Variants in PRDM12 observed in about 807,000 individuals in gnomAD.
The protein encoded by PRDM12 is PR/SET domain 12, also known as PR domain zinc finger protein 12.
A neutral mutation model predicts 29.6 loss-of-function variants in PRDM12; 17 were observed. The observed-to-expected ratio is 0.57, with a 90% CI of 0.39 to 0.86. The LOEUF is 0.86. Among genes scored for constraint, PRDM12 ranks in the 40% least tolerant of loss-of-function variants. The pLI is 0.00. For missense variants in PRDM12, 422 were observed against 510.8 expected (o/e 0.83, Z 1.68); for synonymous variants, 231 against 225.8 (o/e 1.02, Z -0.21).
rs538520238 is a variant in PRDM12, at chr9:130,667,452, T to C, written c.414+654T>C. The stretch of plus-strand genomic sequence containing the variant: ...CCACCCCTGTGCTTCTTCCTAACTT[T>C]GCAGAACGGGAAACCCACTGAGGCC... On this transcript the variant is annotated intron_variant, in intron 2 of 4. Coordinates refer to ENST00000253008, the MANE Select transcript of PRDM12 (RefSeq NM_021619.3). Among the ~76,000 whole-genome samples, 244 of 152,194 alleles carry C rather than the reference T, an allele frequency of 1.6e-3. 11 individuals are homozygous for C. The highest frequency in any genetic ancestry group is 1.1e-3 in the Non-Finnish European group (72 of 68,004).
intron 1 of PRDM12, among the ~76,000 whole-genome samples, chr9:130,665,346 G>T (rs1404098974): frequency 6.6e-6 from 1 of 152,170 alleles, no homozygotes; most frequent in Admixed American, 6.5e-5. Context: ...AGAAAAAGCC[G>T]CGGGGAGAGC....
At position 130,681,680 on chromosome 9, in the gene PRDM12, GC is replaced by G. The variant is rs943431338; in HGVS notation, c.*16del. On this transcript the variant is annotated 3_prime_UTR_variant, in exon 5 of 5. Coordinates refer to ENST00000253008, the MANE Select transcript of PRDM12 (RefSeq NM_021619.3). This position sits in a 1 kb window ranked among gnomAD's most constrained non-coding sequence, Gnocchi z 8.1. ...GCCATGGTGCTGTGAGCGCGCCCGC[GC>G]CCCCGCCGGGCCCCGCGCGCTCCTG... 38 of 979,988 alleles carry G rather than the reference GC, an allele frequency of 3.9e-5. No homozygotes were observed. The South Asian group carries it at 7.7e-4, about 20-fold the overall frequency. 60.7% of individuals were successfully genotyped at this position (979,988 alleles called of 1,614,324 possible). A position where few individuals can be genotyped will look rare whatever the true frequency, so the allele number is the denominator to read the frequency against.
intron 3 of PRDM12, among the ~76,000 whole-genome samples, chr9:130,670,349 T>A (rs890600340): frequency 1.3e-5 from 2 of 152,000 alleles, no homozygotes; most frequent in Non-Finnish European, 2.9e-5. Context: ...ATGGGTTCCT[T>A]TGGTTGTCCC....
At chr9:130,667,532 C>CG (rs763274880) in intron 2 of PRDM12, among the ~76,000 whole-genome samples, 5 of 24,038 alleles carry the variant, frequency 2.1e-4, no homozygotes, top group South Asian at 6.3e-3. Flanking sequence ...CCCACTCCAG[C>CG]TCCCCCCGGC....
At chr9:130,678,801 GC>G (rs1246073172) in intron 4 of PRDM12, among the ~76,000 whole-genome samples, 161 bp downstream of exon 4, 1 of 152,164 alleles carries the variant, frequency 6.6e-6, no homozygotes, top group Non-Finnish European at 1.5e-5. Flanking sequence ...GTCCAAGGAG[GC>G]TGATGCCCCT....
At chr9:130,669,923 G>A (rs990697572) in intron 3 of PRDM12, among the ~76,000 whole-genome samples, 1 of 151,800 alleles carries the variant, frequency 6.6e-6, no homozygotes, top group Non-Finnish European at 1.5e-5. Flanking sequence ...AGAGGAGGGT[G>A]GGAAGAGGAG....
chr9:130,674,096 C>A (rs1419519055), intron 3 of PRDM12, among the ~76,000 whole-genome samples: 1 of 139,526 alleles, frequency 7.2e-6, no homozygotes, highest in Non-Finnish European at 1.5e-5. Flanking sequence ...CCTACTGCAA[C>A]CTCTGCCTCC....
At position 130,681,611 on chromosome 9, in the gene PRDM12, C is replaced by CCGT; in HGVS notation, c.1048_1049insTCG (p.Ala349_Ala350insVal). 1.2e-6 allele frequency: 1 copy of CCGT among 804,622 alleles called. No individual in the cohort carries two copies. Among genetic ancestry groups the CCGT allele is most frequent in the Non-Finnish European group, 1.5e-6 (1 of 676,440 alleles). The allele number at this position is 804,622 out of a possible 1,614,324, so 49.8% of individuals were successfully genotyped here. On this transcript the variant is annotated inframe_insertion, in exon 5 of 5. Coordinates refer to ENST00000253008, the MANE Select transcript of PRDM12 (RefSeq NM_021619.3). This position sits in a 1 kb window ranked among gnomAD's most constrained non-coding sequence, Gnocchi z 8.1. ...CACGCGCACGCGCCCGCGCTCGCCG[C>CCGT]CGCCGCCGCCGCCGCCGCCGCCGCC...
Position 130,666,742 on chromosome 9 carries a change from C to A in PRDM12, c.358C>A (p.Arg120Ser). 6.2e-7 allele frequency: 1 copy of A among 1,612,866 alleles called. No homozygotes were observed. The highest frequency in any genetic ancestry group is 1.1e-5 in the South Asian group (1 of 90,898). Residue 120 changes from arginine to serine, a missense_variant, in exon 2 of 5, where the codon CGC becomes AGC. Physicochemically the swap from Arg to Ser is moderately radical, Grantham distance 110. Around this residue, in one of 5 missense-constraint regions of PRDM12, gnomAD observed 300 missense variants for 350.0 expected, o/e 0.86. Coordinates refer to ENST00000253008, the MANE Select transcript of PRDM12 (RefSeq NM_021619.3). ...AACCGAGATGGGCCCCTTCACCGGC[C>A]GCGTGATCGCCCCGGAGCACGTGGA... ...AGTEMGPFTG[R>S]VIAPEHVDIC...
intron 4 of PRDM12, among the ~76,000 whole-genome samples, chr9:130,679,226 A>T (rs1422051603): frequency 2.0e-5 from 3 of 152,172 alleles, no homozygotes; most frequent in Non-Finnish European, 2.9e-5. Flanking sequence ...CATTTGCTCG[A>T]CAACTATTTC....
At chr9:130,667,895 T>C (rs1014273561) in intron 2 of PRDM12, among the ~76,000 whole-genome samples, 17 of 151,828 alleles carry the variant, frequency 1.1e-4, no homozygotes, top group African/African-American at 4.1e-4. Context: ...CTTCTGGGGG[T>C]AGGGAGGACA....
rs1414658478 is a variant in PRDM12, at chr9:130,681,620, C to CCTT, written c.1056_1057insTTC (p.Ala352_Ala353insPhe). 1.1e-6 allele frequency: 1 copy of CCTT among 935,074 alleles called. No individual in the cohort carries two copies. Among genetic ancestry groups the CCTT allele is most frequent in the African/African-American group, 1.8e-5 (1 of 55,626 alleles). 57.9% of individuals were successfully genotyped at this position (935,074 alleles called of 1,614,324 possible). ...GCGCCCGCGCTCGCCGCCGCCGCCGCCGCCGCCGCCGCCGCCGCCGCGCAC... is the reference window on the plus strand; with the variant it reads ...GCGCCCGCGCTCGCCGCCGCCGCCGCCTTCGCCGCCGCCGCCGCCGCCGCGCAC... On this transcript the variant is annotated inframe_insertion, in exon 5 of 5. Transcript: ENST00000253008. The surrounding 1 kb of genome is among the most constrained non-coding windows in gnomAD (Gnocchi z 8.1).
chr9:130,675,888 CAA>C (rs775712678), intron 3 of PRDM12, among the ~76,000 whole-genome samples: 3 of 152,116 alleles, frequency 2.0e-5, no homozygotes, highest in Non-Finnish European at 4.4e-5. Context: ...GACTGGAAAC[CAA>C]GGGTCAGGAC....
Position 130,668,288 on chromosome 9 carries a change from C to A in PRDM12, c.545C>A (p.Thr182Asn), listed in dbSNP as rs747583179. 6.2e-7 allele frequency: 1 copy of A among 1,613,978 alleles called. No homozygotes were observed. The highest frequency in any genetic ancestry group is 1.1e-5 in the South Asian group (1 of 91,084). ...AACCTGGAGGTGGTCCAGATCGGCA[C>A]CAGCATCTTCTACAAGGCCATTGAG... Reference protein sequence around the residue: ...EQNLEVVQIGTSIFYKAIEMI... With the variant: ...EQNLEVVQIGNSIFYKAIEMI... The change falls in exon 3 of 5, where the codon ACC (threonine) becomes AAC (asparagine). Residue 182 changes from threonine to asparagine, a missense_variant. Around this residue, in one of 5 missense-constraint regions of PRDM12, gnomAD observed 300 missense variants for 350.0 expected, o/e 0.86. Coordinates refer to ENST00000253008, the MANE Select transcript of PRDM12 (RefSeq NM_021619.3). This position sits in a 1 kb window ranked among gnomAD's most constrained non-coding sequence, Gnocchi z 4.0.
chr9:130,664,771 C>A lies in PRDM12; in HGVS notation c.118C>A (p.Arg40Ser). Residue 40 changes from arginine to serine, a missense_variant, in exon 1 of 5, where the codon CGC (arginine) becomes AGC (serine). By Grantham distance (110) the Arg-to-Ser change is moderately radical. This residue lies in a region of PRDM12 where 300 missense variants were observed against 350.0 expected (regional missense o/e 0.86). Transcript: ENST00000253008. The surrounding 1 kb of genome is among the most constrained non-coding windows in gnomAD (Gnocchi z 6.4). ...CATCCTGCACAGCTTCCTGTACGGC[C>A]GCTGGCGCAACGTGCTCGGGGAGCA... ...SDILHSFLYGRWRNVLGEQLF... is the reference protein window; with the variant it reads ...SDILHSFLYGSWRNVLGEQLF... 2.5e-6 allele frequency: 4 copies of A among 1,607,680 alleles called. No homozygotes were observed. Among genetic ancestry groups the A allele is most frequent in the African/African-American group, 1.3e-5 (1 of 74,976 alleles).
Position 130,668,411 on chromosome 9 carries a change from G to C in PRDM12, c.570+98G>C. The C allele has an allele frequency of 6.4e-7, 1 of 1,556,068 alleles. No homozygotes were observed. Among genetic ancestry groups the C allele is most frequent in the African/African-American group, 1.3e-5 (1 of 74,200 alleles). ...CGGTGTCCAGGAACCACAGTGGACA[G>C]AGGGGAGCTGACACTGGCCTCGCTG... On this transcript the variant is annotated intron_variant, in intron 3 of 4. Transcript: ENST00000253008. This position sits in a 1 kb window ranked among gnomAD's most constrained non-coding sequence, Gnocchi z 4.0.
Position 130,681,597 on chromosome 9 carries a change from G to A in PRDM12, c.1032G>A (p.Ala344=), listed in dbSNP as rs1249686797. The A allele has an allele frequency of 8.0e-6, 8 of 998,250 alleles. No individual in the cohort carries two copies. The highest frequency in any genetic ancestry group is 4.6e-5 in the South Asian group (1 of 21,930). 61.8% of individuals were successfully genotyped at this position (998,250 alleles called of 1,614,324 possible). A position where few individuals can be genotyped will look rare whatever the true frequency, so the allele number is the denominator to read the frequency against. The change falls in exon 5 of 5, where the codon GCG becomes GCA. Residue 344 remains alanine (A), a synonymous_variant. Coordinates refer to ENST00000253008, the MANE Select transcript of PRDM12 (RefSeq NM_021619.3). This position sits in a 1 kb window ranked among gnomAD's most constrained non-coding sequence, Gnocchi z 8.1. ...CGCTGCCCGCCCCGCACGCGCACGC[G>A]CCCGCGCTCGCCGCCGCCGCCGCCG... ...SPALPAPHAH[A]PALAAAAAAA...
intron 3 of PRDM12, among the ~76,000 whole-genome samples, chr9:130,674,492 T>TTTTGTG (rs574523828): frequency 7.0e-6 from 1 of 142,796 alleles, no homozygotes; most frequent in African/African-American, 2.6e-5. Flanking sequence ...AAAAGATAAT[T>TTTTGTG]TGTGTGTGTG....
intron 2 of PRDM12, among the ~76,000 whole-genome samples, chr9:130,667,781 C>A (rs1830747398): frequency 1.3e-5 from 2 of 152,230 alleles, no homozygotes; most frequent in African/African-American, 4.8e-5. Context: ...TCCTCCCTCT[C>A]TGAGGCCTGG....
Sources: allele counts gnomAD v4.1 joint callset (sites outside exome capture counted in the v4.1 genomes callset), GRCh38; gene constraint gnomAD v4.1.1; regional missense constraint gnomAD v4.1.1; non-coding constraint Gnocchi (gnomAD v3.1); transcripts MANE v1.5; gene names NCBI Gene and HGNC (gene_info 2026-07-23, HGNC 2026-07-21).